Variants in SCN11A observed in about 807,000 individuals in gnomAD.
SCN11A encodes sodium voltage-gated channel alpha subunit 11.
SCN11A carries 122 observed loss-of-function variants against 162.2 expected under a neutral mutation model. The observed-to-expected ratio is 0.75, with a 90% CI of 0.65 to 0.87. SCN11A has a LOEUF of 0.87. Ranked by LOEUF, SCN11A falls within the 40% of genes least tolerant of loss-of-function variation. The pLI, the probability that SCN11A is intolerant of heterozygous loss-of-function variation, is 0.00. For synonymous variants in SCN11A, 758 were observed against 751.5 expected, an observed-to-expected ratio of 1.01 and a Z score of -0.14; for missense variants, 2,015 against 2,181.6, an observed-to-expected ratio of 0.92 and a Z score of 1.52.
intron 2 of SCN11A, among the ~76,000 whole-genome samples, chr3:39,022,820 A>T (rs560927516): frequency 6.6e-6 from 1 of 152,240 alleles, no homozygotes; most frequent in South Asian, 2.1e-4. Context: ...CAGAGGTTGC[A>T]GTGAGCCCTG....
intron 2 of SCN11A, among the ~76,000 whole-genome samples, chr3:39,002,046 A>AG (rs2030832280): frequency 6.6e-6 from 1 of 151,994 alleles, no homozygotes; most frequent in Non-Finnish European, 1.5e-5. Flanking sequence ...CAAAAAAAAA[A>AG]CAAAAAAAAA....
At chr3:39,016,322 GT>G (rs1376252241) in intron 2 of SCN11A, among the ~76,000 whole-genome samples, 9 of 152,202 alleles carry the variant, frequency 5.9e-5, no homozygotes, top group African/African-American at 1.4e-4. Flanking sequence ...TTGTTCAGGG[GT>G]GATCCCCCAG....
intron 27 of SCN11A, among the ~76,000 whole-genome samples, chr3:38,866,213 T>C (rs1261620397): frequency 6.6e-6 from 1 of 152,084 alleles, no homozygotes; most frequent in African/African-American, 2.4e-5. Context: ...TTCCTTTTTT[T>C]TTTTTTTCTC....
At chr3:38,941,897 A>G (rs2066448234) in intron 7 of SCN11A, among the ~76,000 whole-genome samples, 1 of 152,172 alleles carries the variant, frequency 6.6e-6, no homozygotes, top group Non-Finnish European at 1.5e-5. Flanking sequence ...AGTCATCAAA[A>G]GTCAGAGACT....
intron 2 of SCN11A, among the ~76,000 whole-genome samples, chr3:38,980,029 A>G (rs1198081561): frequency 1.3e-5 from 2 of 152,162 alleles, no homozygotes; most frequent in East Asian, 3.9e-4. Context: ...CGTATGGCCC[A>G]CATCACACCC....
chr3:38,927,067 G>A (rs1219514275), intron 7 of SCN11A, 136 bp from the exon 8 acceptor site: 1 of 820,446 alleles, frequency 1.2e-6, no homozygotes, highest in Admixed American at 2.7e-5. Context: ...CAGCAAACCA[G>A]AGTTCAAAAA....
At chr3:38,951,470 C>T (rs1214821915) in intron 4 of SCN11A, among the ~76,000 whole-genome samples, 1 of 152,374 alleles carries the variant, frequency 6.6e-6, no homozygotes, top group East Asian at 1.9e-4. Flanking sequence ...GGAGCCTCCC[C>T]GACAAGCACC....
intron 16 of SCN11A, among the ~76,000 whole-genome samples, chr3:38,903,257 C>G (rs1260727177): frequency 6.6e-6 from 1 of 152,042 alleles, no homozygotes; most frequent in Non-Finnish European, 1.5e-5. Context: ...TCCACAAGAA[C>G]CATAAACTGA....
intron 7 of SCN11A, among the ~76,000 whole-genome samples, chr3:38,930,539 C>CA (rs1221759554): frequency 6.6e-6 from 1 of 152,154 alleles, no homozygotes; most frequent in Non-Finnish European, 1.5e-5. Context: ...TAAAAATCTG[C>CA]AATTGCAGAT....
At chr3:39,043,273 A>G (rs927083439) in intron 1 of SCN11A, among the ~76,000 whole-genome samples, 5 of 152,178 alleles carry the variant, frequency 3.3e-5, no homozygotes, top group Non-Finnish European at 5.9e-5. Context: ...TCAAAAAACT[A>G]AAAATAGGGC....
At chr3:39,044,138 T>C (rs771622361) in intron 1 of SCN11A, among the ~76,000 whole-genome samples, 13 of 152,114 alleles carry the variant, frequency 8.5e-5, no homozygotes, top group Non-Finnish European at 1.3e-4. Context: ...ATCAATTCAG[T>C]AAAAGGGTGT....
intron 2 of SCN11A, among the ~76,000 whole-genome samples, chr3:39,014,311 C>G (rs1285569757): frequency 6.6e-6 from 1 of 152,202 alleles, no homozygotes; most frequent in East Asian, 1.9e-4. Flanking sequence ...TGTAAGCATT[C>G]TGCTCTTGGG....
At chr3:39,033,247 T>C (rs1177785828) in intron 1 of SCN11A, among the ~76,000 whole-genome samples, 1 of 152,120 alleles carries the variant, frequency 6.6e-6, no homozygotes. Context: ...GATTTAACAA[T>C]AGCAAGTCTG....
At chr3:38,913,448 T>C (rs111691486) in intron 11 of SCN11A, among the ~76,000 whole-genome samples, 5,815 of 152,200 alleles carry the variant, frequency 0.038, 357 homozygotes, top group African/African-American at 0.13. Context: ...CTGTTAATAG[T>C]TTTTTGGTTT....
chr3:38,982,911 G>A (rs979073249), intron 2 of SCN11A, among the ~76,000 whole-genome samples: 3 of 152,134 alleles, frequency 2.0e-5, no homozygotes, highest in Admixed American at 2.0e-4. Flanking sequence ...CTTACTGAAA[G>A]CTTACCCCAT....
chr3:38,946,135 C>T (rs191478477), intron 6 of SCN11A, among the ~76,000 whole-genome samples: 2 of 152,142 alleles, frequency 1.3e-5, no homozygotes, highest in Non-Finnish European at 2.9e-5. Context: ...ACTGACATTG[C>T]AAACCCTAAG....
At chr3:38,916,761 G>A (rs1575288197) in intron 11 of SCN11A, among the ~76,000 whole-genome samples, 1 of 152,184 alleles carries the variant, frequency 6.6e-6, no homozygotes, top group South Asian at 2.1e-4. Context: ...TTATCTACTG[G>A]AACCTCCTAC....
chr3:39,021,782 T>C (rs186514191), intron 2 of SCN11A, among the ~76,000 whole-genome samples: 116 of 152,336 alleles, frequency 7.6e-4, no homozygotes, highest in Non-Finnish European at 1.0e-4. Flanking sequence ...CAATGTTGTC[T>C]GGATGGAGCC....
At chr3:39,012,414 T>C (rs1362120821) in intron 2 of SCN11A, among the ~76,000 whole-genome samples, 1 of 150,154 alleles carries the variant, frequency 6.7e-6, no homozygotes, top group Non-Finnish European at 1.5e-5. Flanking sequence ...CTTCCTTCCT[T>C]GCTCTTTCTT....
Sources: gnomAD v4.1 joint callset for allele counts (sites outside exome capture counted in the v4.1 genomes callset) on GRCh38, gnomAD v4.1.1 for gene constraint, MANE v1.5 for transcripts, NCBI Gene and HGNC (gene_info 2026-07-23, HGNC 2026-07-21) for gene names.